DENND3: variants seen among roughly 807,000 people sequenced by gnomAD.
The protein encoded by DENND3 is DENN domain-containing protein 3.
DENND3 carries 88 observed loss-of-function variants against 135.1 expected under a neutral mutation model. The observed-to-expected ratio is 0.65, with a 90% CI of 0.55 to 0.78. The LOEUF is 0.78. Ranked by LOEUF, DENND3 falls within the 30% of genes least tolerant of loss-of-function variation. DENND3 has a pLI of 0.00. For missense variants in DENND3, 1,392 were observed against 1,688.4 expected, an observed-to-expected ratio of 0.82 and a Z score of 3.08; for synonymous variants, 693 against 712.3, an observed-to-expected ratio of 0.97 and a Z score of 0.43.
At chr8:141,178,510 G>A (rs1363589571) in intron 16 of DENND3, among the ~76,000 whole-genome samples, 1 of 152,224 alleles carries the variant, frequency 6.6e-6, no homozygotes, top group African/African-American at 2.4e-5. Flanking sequence ...TCCTCTGGCT[G>A]GCTGAAGCAG....
intron 14 of DENND3, chr8:141,176,359 T>G: frequency 1.9e-6 from 1 of 525,970 alleles, no homozygotes; most frequent in South Asian, 2.5e-5. Context: ...CTTCGGACAC[T>G]GGGCGAGCCC....
Position 141,175,135 on chromosome 8 carries a change from A to G in DENND3, c.2276-65A>G. 2 of 1,533,124 alleles carry G rather than the reference A, an allele frequency of 1.3e-6. No individual in the cohort carries two copies. The highest frequency in any genetic ancestry group is 1.4e-5 in the African/African-American group (1 of 72,374). The allele number at this position is 1,533,124 out of a possible 1,614,324, so 95.0% of individuals were successfully genotyped here. A position where few individuals can be genotyped will look rare whatever the true frequency, so the allele number is the denominator to read the frequency against. On this transcript the variant is annotated intron_variant, in intron 13 of 22. Coordinates refer to ENST00000519811, the MANE Select transcript of DENND3 (RefSeq NM_001352890.3). The surrounding 1 kb of genome is among the most constrained non-coding windows in gnomAD (Gnocchi z 5.4). Reference sequence around the variant, plus strand: ...TGTGCGGTTTCTTCAGGTCATGGAGAAGCCCTTGGGGCTCCCGAGGTATGT... The same window carrying G: ...TGTGCGGTTTCTTCAGGTCATGGAGGAGCCCTTGGGGCTCCCGAGGTATGT...
In DENND3 at chr8:141,176,864, G is replaced by A. The variant is rs2241734; in HGVS notation, c.2706+103G>A. 0.33 allele frequency: 433,004 copies of A among 1,328,388 alleles called. 71,837 individuals are homozygous for A. The highest frequency in any genetic ancestry group is 0.35 in the Non-Finnish European group (336,483 of 955,982). The allele number at this position is 1,328,388 out of a possible 1,614,324, so 82.3% of individuals were successfully genotyped here. A position where few individuals can be genotyped will look rare whatever the true frequency, so the allele number is the denominator to read the frequency against. On this transcript the variant is annotated intron_variant, in intron 15 of 22. Coordinates refer to ENST00000519811, the MANE Select transcript of DENND3 (RefSeq NM_001352890.3). ...TCCTCAGCTGTGAGTGCTCGGGCTCGGGTCTGAGTGTCTTAAGCAGAGTAA... is the reference window on the plus strand; with the variant it reads ...TCCTCAGCTGTGAGTGCTCGGGCTCAGGTCTGAGTGTCTTAAGCAGAGTAA...
In DENND3 at chr8:141,190,426, G is replaced by A. The variant is rs201213693; in HGVS notation, c.3379+9G>A. On this transcript the variant is annotated intron_variant, in intron 20 of 22. Transcript: ENST00000519811. Reference sequence around the variant, plus strand: ...CGGCCGCCTGTGGTGCTGTAAGTCCGGCCCCTGCCATCAGAGCGGGCACCC... The same window carrying A: ...CGGCCGCCTGTGGTGCTGTAAGTCCAGCCCCTGCCATCAGAGCGGGCACCC... 637 of 1,602,740 alleles carry A rather than the reference G, an allele frequency of 4.0e-4. 1 individual carries two copies. The African/African-American group carries it at 6.3e-3, about 16-fold the overall frequency.
Position 141,168,226 on chromosome 8 carries a change from A to C in DENND3, c.1976A>C (p.Asp659Ala). ...MQGQLLNALLDFQNLYKTDIR... is the reference protein window; with the variant it reads ...MQGQLLNALLAFQNLYKTDIR... ...GGACAGCTGCTGAACGCCCTCTTGG[A>C]CTTCCAGAATCTGTATAAAACAGAC... The change falls in exon 13 of 23, where the codon GAC (aspartate) becomes GCC (alanine). Residue 659 changes from aspartate (D) to alanine (A), a missense_variant. Transcript: ENST00000519811. The surrounding 1 kb of genome is among the most constrained non-coding windows in gnomAD (Gnocchi z 6.2). 1 of 1,614,128 alleles carries C rather than the reference A, an allele frequency of 6.2e-7. No homozygotes were observed. Among genetic ancestry groups the C allele is most frequent in the Non-Finnish European group, 8.5e-7 (1 of 1,180,014 alleles).
At chr8:141,158,311 C>T in intron 8 of DENND3, 1 of 1,276,316 alleles carries the variant, frequency 7.8e-7, no homozygotes, top group Non-Finnish European at 1.0e-6. Flanking sequence ...GCTTCCTTGA[C>T]TTTTAGAGCG....
At chr8:141,151,958 G>T (rs1191968435) in intron 7 of DENND3, 121 bp downstream of exon 7, 1 of 1,230,978 alleles carries the variant, frequency 8.1e-7, no homozygotes, top group Non-Finnish European at 1.1e-6. Flanking sequence ...CCGCAGAGAG[G>T]TCACGGGTAC....
rs1401357786 is a variant in DENND3, at chr8:141,139,911, CT to C, written c.502-1289del. Among the ~76,000 whole-genome samples, 2 of 137,760 alleles carry C rather than the reference CT, an allele frequency of 1.5e-5. No individual in the cohort carries two copies. The highest frequency in any genetic ancestry group is 3.2e-5 in the Non-Finnish European group (2 of 63,408). 90.4% of individuals were successfully genotyped at this position (137,760 alleles called of 152,430 possible). A position where few individuals can be genotyped will look rare whatever the true frequency, so the allele number is the denominator to read the frequency against. On this transcript the variant is annotated intron_variant, in intron 3 of 22. Coordinates refer to ENST00000519811, the MANE Select transcript of DENND3 (RefSeq NM_001352890.3). This position sits in a 1 kb window ranked among gnomAD's most constrained non-coding sequence, Gnocchi z 4.2. Reference sequence around the variant, plus strand: ...ATGACGCTATATCTATCGTTTTTTTCTTTCTTTTTTTTTTTTGAGACAGTCT... The same window carrying C: ...ATGACGCTATATCTATCGTTTTTTTCTTCTTTTTTTTTTTTGAGACAGTCT...
At position 141,194,326 on chromosome 8, in the gene DENND3, C is replaced by T. The variant is rs1286883234; in HGVS notation, c.*93C>T. On this transcript the variant is annotated 3_prime_UTR_variant, in exon 23 of 23. Coordinates refer to ENST00000519811, the MANE Select transcript of DENND3 (RefSeq NM_001352890.3). Reference sequence around the variant, plus strand: ...CAGGAGCAGAAGCCTGGAGGGGTGGCAGGGCAGAGCAGCCCAGGCTCAGCA... The same window carrying T: ...CAGGAGCAGAAGCCTGGAGGGGTGGTAGGGCAGAGCAGCCCAGGCTCAGCA... The T allele has an allele frequency of 1.4e-6, 2 of 1,432,558 alleles. No homozygotes were observed. Among genetic ancestry groups the T allele is most frequent in the African/African-American group, 1.4e-5 (1 of 71,842 alleles). 88.7% of individuals were successfully genotyped at this position (1,432,558 alleles called of 1,614,324 possible). A position where few individuals can be genotyped will look rare whatever the true frequency, so the allele number is the denominator to read the frequency against.
chr8:141,175,588 T>C lies in DENND3; in HGVS notation c.2535+129T>C. On this transcript the variant is annotated intron_variant, in intron 14 of 22. Coordinates refer to ENST00000519811, the MANE Select transcript of DENND3 (RefSeq NM_001352890.3). This position sits in a 1 kb window ranked among gnomAD's most constrained non-coding sequence, Gnocchi z 5.4. ...GCAGCCCTTCTGCAGACCGAATGCC[T>C]TCCTGTCCCTCAGTTTGCTCATCTG... The C allele has an allele frequency of 7.1e-7, 1 of 1,406,240 alleles. No homozygotes were observed. The highest frequency in any genetic ancestry group is 9.9e-7 in the Non-Finnish European group (1 of 1,011,196). 87.1% of individuals were successfully genotyped at this position (1,406,240 alleles called of 1,614,324 possible). A position where few individuals can be genotyped will look rare whatever the true frequency, so the allele number is the denominator to read the frequency against.
In DENND3 at chr8:141,136,806, T is replaced by C; in HGVS notation, c.385+15T>C. On this transcript the variant is annotated intron_variant, in intron 2 of 22. Transcript: ENST00000519811. Reference sequence around the variant, plus strand: ...GTGCTTCCCAGGTATGTCTAGGAGGTGGGCACCACTGGGCGCCTCCTGCTG... The same window carrying C: ...GTGCTTCCCAGGTATGTCTAGGAGGCGGGCACCACTGGGCGCCTCCTGCTG... The C allele has an allele frequency of 1.3e-6, 2 of 1,524,554 alleles. No individual in the cohort carries two copies. The highest frequency in any genetic ancestry group is 1.8e-6 in the Non-Finnish European group (2 of 1,138,206). 94.4% of individuals were successfully genotyped at this position (1,524,554 alleles called of 1,614,324 possible).
chr8:141,152,598 A>T (rs1818926347), intron 7 of DENND3, among the ~76,000 whole-genome samples: 1 of 152,196 alleles, frequency 6.6e-6, no homozygotes, highest in Admixed American at 6.5e-5. Flanking sequence ...TTGTATAAAT[A>T]GACCGAGTTT....
chr8:141,148,364 G>A (rs1021152771), intron 5 of DENND3, among the ~76,000 whole-genome samples: 1 of 152,150 alleles, frequency 6.6e-6, no homozygotes, highest in African/African-American at 2.4e-5. Context: ...CCAACAGCCG[G>A]AGCAGGGCAA....
intron 1 of DENND3, among the ~76,000 whole-genome samples, chr8:141,133,455 G>A (rs572244123): frequency 5.4e-4 from 82 of 152,280 alleles, no homozygotes; most frequent in African/African-American, 1.8e-3. Flanking sequence ...TCTGGTTTGC[G>A]GTCAGACAGG....
chr8:141,141,015 A>G lies in DENND3; in HGVS notation c.502-188A>G, dbSNP rs998308925. Among the ~76,000 whole-genome samples, 1 of 152,162 alleles carries G rather than the reference A, an allele frequency of 6.6e-6. No homozygotes were observed. Among genetic ancestry groups the G allele is most frequent in the African/African-American group, 2.4e-5 (1 of 41,432 alleles). On this transcript the variant is annotated intron_variant, in intron 3 of 22. Transcript: ENST00000519811. This position sits in a 1 kb window ranked among gnomAD's most constrained non-coding sequence, Gnocchi z 5.3. ...CTCTCTTTATAGCCTCAGCACCTCA[A>G]ATGGTGCAAGCACCAAATAGGGACC...
intron 13 of DENND3, among the ~76,000 whole-genome samples, chr8:141,171,639 T>C (rs1015808538): frequency 2.0e-5 from 3 of 152,258 alleles, no homozygotes; most frequent in African/African-American, 4.8e-5. Context: ...TGACAGCTGC[T>C]GTGGATCACA....
intron 5 of DENND3, among the ~76,000 whole-genome samples, chr8:141,148,016 G>T (rs974586543): frequency 6.6e-6 from 1 of 152,206 alleles, no homozygotes. Context: ...CTGTTTTAGG[G>T]AATGTCATAC....
At position 141,174,026 on chromosome 8, in the gene DENND3, C is replaced by T. The variant is rs1039828287; in HGVS notation, c.2276-1174C>T. On this transcript the variant is annotated intron_variant, in intron 13 of 22. Transcript: ENST00000519811. This position sits in a 1 kb window ranked among gnomAD's most constrained non-coding sequence, Gnocchi z 4.6. Reference sequence around the variant, plus strand: ...AGTGGCCTGGCCAGGATGTCTCTGCCTTATCGGGGAAGGCGTGCGTGGGCA... The same window carrying T: ...AGTGGCCTGGCCAGGATGTCTCTGCTTTATCGGGGAAGGCGTGCGTGGGCA... Among the ~76,000 whole-genome samples, 4 of 152,152 alleles carry T rather than the reference C, an allele frequency of 2.6e-5. No homozygotes were observed. Among genetic ancestry groups the T allele is most frequent in the Non-Finnish European group, 4.4e-5 (3 of 68,028 alleles).
rs894203052 is a variant in DENND3 at position 141,195,652 on chromosome 8, C to G, written c.*1419C>G. 1 of 152,190 alleles carries G rather than the reference C, an allele frequency of 6.6e-6. No individual in the cohort carries two copies. Among genetic ancestry groups the G allele is most frequent in the Non-Finnish European group, 1.5e-5 (1 of 68,036 alleles). The allele number at this position is 152,190 out of a possible 1,614,324, so 9.4% of individuals were successfully genotyped here. A position where few individuals can be genotyped will look rare whatever the true frequency, so the allele number is the denominator to read the frequency against. Reference sequence around the variant, plus strand: ...GCCCGGGCACCTTCCCACTTTCTAGCTCTGGAGAGGTTGGATTTTGCTTTT... The same window carrying G: ...GCCCGGGCACCTTCCCACTTTCTAGGTCTGGAGAGGTTGGATTTTGCTTTT... On this transcript the variant is annotated 3_prime_UTR_variant, in exon 23 of 23. Coordinates refer to ENST00000519811, the MANE Select transcript of DENND3 (RefSeq NM_001352890.3).
Sources: allele counts gnomAD v4.1 joint callset (sites outside exome capture counted in the v4.1 genomes callset), GRCh38; gene constraint gnomAD v4.1.1; non-coding constraint Gnocchi (gnomAD v3.1); transcripts MANE v1.5; gene names NCBI Gene and HGNC (gene_info 2026-07-23, HGNC 2026-07-21).